Variants in GRAMD2B observed in about 807,000 individuals in gnomAD.
The protein encoded by GRAMD2B is GRAM domain-containing protein 2B.
Under a neutral mutation model 59.2 loss-of-function variants are expected in GRAMD2B, and 41 were observed. That is an observed-to-expected ratio of 0.69 (90% CI 0.54 to 0.90). The LOEUF is 0.90. Among genes scored for constraint, GRAMD2B ranks in the 40% least tolerant of loss-of-function variants. The pLI, the probability that GRAMD2B is intolerant of heterozygous loss-of-function variation, is 0.00. For missense variants in GRAMD2B, 424 were observed against 500.5 expected (o/e 0.85, Z 1.46); for synonymous variants, 161 against 182.7 (o/e 0.88, Z 0.96).
At chr5:126,488,035 G>C (rs972338746) in intron 12 of GRAMD2B, among the ~76,000 whole-genome samples, 2 of 152,182 alleles carry the variant, frequency 1.3e-5, no homozygotes, top group East Asian at 1.9e-4. Context: ...TCTATACTTT[G>C]AGAAATACTG....
chr5:126,451,123 G>A (rs910630622), intron 1 of GRAMD2B, among the ~76,000 whole-genome samples: 5 of 152,216 alleles, frequency 3.3e-5, no homozygotes, highest in Non-Finnish European at 5.9e-5. Flanking sequence ...AGCAGCCAGC[G>A]AGGCTGCACC....
rs185114718 is a variant in GRAMD2B at position 126,470,786 on chromosome 5, T to G, written c.315+998T>G. Among the ~76,000 whole-genome samples the G allele has an allele frequency of 2.4e-3, 358 of 152,292 alleles. 3 individuals carry two copies. Among genetic ancestry groups the G allele is most frequent in the Non-Finnish European group, 3.9e-3 (267 of 68,010 alleles). ...GTTAGCCAGGCTCATCTCAAACTCC[T>G]GGCCTCAGGCGATCCACCCACCTCT... On this transcript the variant is annotated intron_variant, in intron 3 of 13. Transcript: ENST00000285689.
chr5:126,423,247 CA>C, upstream of GRAMD2B: 1 of 1,095,486 alleles, frequency 9.1e-7, no homozygotes, highest in Non-Finnish European at 1.1e-6. Context: ...CCTTCTTAGG[CA>C]AATGTTCCAC....
At chr5:126,472,362 T>G in intron 4 of GRAMD2B, 58 bp downstream of exon 4, 1 of 1,419,960 alleles carries the variant, frequency 7.0e-7, no homozygotes, top group Non-Finnish European at 1.0e-6. Flanking sequence ...GATCATTAGT[T>G]TTGGGGAAGA....
chr5:126,394,191 A>T (rs1010092202), intron 1 of GRAMD2B, among the ~76,000 whole-genome samples: 1 of 151,268 alleles, frequency 6.6e-6, no homozygotes, highest in South Asian at 2.1e-4. Flanking sequence ...AGGAGAATGG[A>T]GTGAACCCGG....
At chr5:126,459,033 C>T (rs540339217) in intron 1 of GRAMD2B, 61 of 152,290 alleles carry the variant, frequency 4.0e-4, no homozygotes, top group African/African-American at 1.5e-3. Context: ...ATTATTGTAG[C>T]AGGATTATCA....
intron 1 of GRAMD2B, chr5:126,464,997 C>T (rs1768033419): frequency 2.1e-6 from 2 of 936,858 alleles, no homozygotes; most frequent in South Asian, 4.8e-5. Flanking sequence ...ATGTAAGTGA[C>T]ATAAGAGAAA....
chr5:126,420,802 C>T (rs1048729488), upstream of GRAMD2B, among the ~76,000 whole-genome samples: 3 of 152,144 alleles, frequency 2.0e-5, no homozygotes, highest in African/African-American at 7.2e-5. Context: ...ATAGCAGCAT[C>T]ATTCACAATA....
At chr5:126,388,643 C>T (rs189273012) in intron 1 of GRAMD2B, among the ~76,000 whole-genome samples, 34 of 150,692 alleles carry the variant, frequency 2.3e-4, no homozygotes, top group Admixed American at 3.3e-4. Context: ...TAATATAAGA[C>T]GATCACGTTG....
At chr5:126,444,268 C>T (rs767342667) in intron 1 of GRAMD2B, among the ~76,000 whole-genome samples, 6 of 152,322 alleles carry the variant, frequency 3.9e-5, no homozygotes, top group Admixed American at 1.3e-4. Context: ...CCATACTGTG[C>T]AGATGTCTGT....
chr5:126,384,666 C>G (rs1004274190), intron 1 of GRAMD2B, among the ~76,000 whole-genome samples: 2 of 152,232 alleles, frequency 1.3e-5, no homozygotes, highest in East Asian at 3.9e-4. Context: ...TGACCCTGGT[C>G]AGCTTCCCCA....
At chr5:126,398,412 G>A (rs2149735104) in intron 1 of GRAMD2B, among the ~76,000 whole-genome samples, 1 of 152,132 alleles carries the variant, frequency 6.6e-6, no homozygotes, top group African/African-American at 2.4e-5. Context: ...TTTGGCATAT[G>A]ATCATTCATA....
intron 1 of GRAMD2B, among the ~76,000 whole-genome samples, chr5:126,437,385 A>G (rs1417569839): frequency 1.3e-5 from 2 of 152,200 alleles, no homozygotes; most frequent in South Asian, 4.1e-4. Flanking sequence ...TTATGATGCC[A>G]TTGCATTATG....
chr5:126,429,906 A>G (rs73334416), intron 1 of GRAMD2B, among the ~76,000 whole-genome samples: 1 of 152,196 alleles, frequency 6.6e-6, no homozygotes, highest in Non-Finnish European at 1.5e-5. Flanking sequence ...GGTGTTATAC[A>G]TCTGTTGTCC....
intron 1 of GRAMD2B, among the ~76,000 whole-genome samples, chr5:126,459,759 T>C (rs1029307194): frequency 1.3e-5 from 2 of 152,260 alleles, no homozygotes; most frequent in African/African-American, 4.8e-5. Context: ...CCAGCTATTA[T>C]GCTAGGTACT....
upstream of GRAMD2B, among the ~76,000 whole-genome samples, chr5:126,421,139 T>C (rs1031491696): frequency 6.6e-6 from 1 of 152,094 alleles, no homozygotes; most frequent in Non-Finnish European, 1.5e-5. Flanking sequence ...ATGCCAAGGA[T>C]GATAAAAAAA....
At chr5:126,397,791 G>A (rs1446637237) in intron 1 of GRAMD2B, among the ~76,000 whole-genome samples, 1 of 151,944 alleles carries the variant, frequency 6.6e-6, no homozygotes, top group Non-Finnish European at 1.5e-5. Flanking sequence ...GAAAATTTTT[G>A]TATCTGTGTT....
At chr5:126,409,124 A>G (rs1336435134) in intron 1 of GRAMD2B, among the ~76,000 whole-genome samples, 4 of 151,882 alleles carry the variant, frequency 2.6e-5, no homozygotes, top group African/African-American at 9.7e-5. Flanking sequence ...AGTCTTTGCT[A>G]TTGTGAATAG....
chr5:126,404,275 C>T (rs1758076995), intron 1 of GRAMD2B, among the ~76,000 whole-genome samples: 1 of 151,766 alleles, frequency 6.6e-6, no homozygotes, highest in African/African-American at 2.4e-5. Context: ...AAGTTAAGCC[C>T]CTTTTTTTCT....
Sources: allele counts gnomAD v4.1 joint callset (sites outside exome capture counted in the v4.1 genomes callset), GRCh38; gene constraint gnomAD v4.1.1; transcripts MANE v1.5; gene names NCBI Gene and HGNC (gene_info 2026-07-23, HGNC 2026-07-21).